Variants in GRM1 observed in about 807,000 individuals in gnomAD.
The protein encoded by GRM1 is glutamate metabotropic receptor 1.
Under a neutral mutation model 90.9 loss-of-function variants are expected in GRM1, and 33 were observed. That is an observed-to-expected ratio of 0.36 (90% CI 0.28 to 0.49). The LOEUF (loss-of-function observed/expected upper bound fraction) is 0.49, where lower values mean the gene tolerates loss of function less well. Ranked by LOEUF, GRM1 falls within the 20% of genes least tolerant of loss-of-function variation. GRM1 has a pLI of 0.99. For missense variants in GRM1, 1,190 were observed against 1,534.3 expected, an observed-to-expected ratio of 0.78 and a Z score of 3.75; for synonymous variants, 700 against 613.2, an observed-to-expected ratio of 1.14 and a Z score of -2.09.
At chr6:146,288,394 A>G (rs1782842733) in intron 2 of GRM1, among the ~76,000 whole-genome samples, 1 of 152,222 alleles carries the variant, frequency 6.6e-6, no homozygotes, top group Admixed American at 6.5e-5. Context: ...AAGAACTTGG[A>G]TATTTAGCTA....
chr6:146,197,205 A>G (rs1174821201), intron 2 of GRM1, among the ~76,000 whole-genome samples: 2 of 152,228 alleles, frequency 1.3e-5, no homozygotes, highest in African/African-American at 4.8e-5. Flanking sequence ...TTCAGCAAAC[A>G]ATGAGTAGCA....
At chr6:146,034,696 C>A (rs1356833597) in intron 1 of GRM1, among the ~76,000 whole-genome samples, 1 of 151,890 alleles carries the variant, frequency 6.6e-6, no homozygotes, top group African/African-American at 2.4e-5. Flanking sequence ...GTCTCAAACC[C>A]TTTCACGAGC....
Position 146,352,338 on chromosome 6 carries a change from G to T in GRM1, c.1275G>T (p.Gln425His). Residue 425 changes from glutamine (Q) to histidine (H), a missense_variant, in exon 4 of 8, where the codon CAG becomes CAT. By Grantham distance (24) the Gln-to-His change is conservative (BLOSUM62 0). This residue lies in a region of GRM1 where 414 missense variants were observed against 598.4 expected (regional missense o/e 0.69). Coordinates refer to ENST00000282753, the MANE Select transcript of GRM1 (RefSeq NM_001278064.2). ...TCTATGCCATGGCACATGGGCTGCA[G>T]AACATGCACCATGCCCTCTGCCCTG... Reference protein sequence around the residue: ...NAIYAMAHGLQNMHHALCPGH... With the variant: ...NAIYAMAHGLHNMHHALCPGH... The T allele has an allele frequency of 6.2e-7, 1 of 1,614,156 alleles. No individual in the cohort carries two copies. The highest frequency in any genetic ancestry group is 1.1e-5 in the South Asian group (1 of 91,086).
rs141941453 is a variant in GRM1, at chr6:146,387,790, C to T, written c.1729+774C>T. 2.3e-3 allele frequency among the ~76,000 whole-genome samples: 354 copies of T among 152,132 alleles called. 3 individuals carry two copies. Among genetic ancestry groups the T allele is most frequent in the African/African-American group, 8.1e-3 (338 of 41,520 alleles). On this transcript the variant is annotated intron_variant, in intron 6 of 7. Transcript: ENST00000282753. ...CAGAGTGCTTCTGTGTGACATTCCT[C>T]TACATGTTTGGACTTTGGCTTTGAG...
intron 2 of GRM1, among the ~76,000 whole-genome samples, chr6:146,299,096 C>T (rs545894831): frequency 6.6e-6 from 1 of 152,292 alleles, no homozygotes; most frequent in East Asian, 1.9e-4. Context: ...CTTGTGCCTT[C>T]ATGTAGCTCA....
rs561210541 is a variant in GRM1, at chr6:146,061,160, A to C, written c.700+30943A>C. 4.6e-5 allele frequency among the ~76,000 whole-genome samples: 7 copies of C among 152,260 alleles called. No homozygotes were observed. In the East Asian group the frequency reaches 1.2e-3, roughly 25 times the overall value. ...TTATTGTCTTATATGGGCATGGTTC[A>C]TGGTGTCCCAAAACAATTACAATAG... On this transcript the variant is annotated intron_variant, in intron 1 of 7. Coordinates refer to ENST00000282753, the MANE Select transcript of GRM1 (RefSeq NM_001278064.2).
chr6:146,039,713 T>G (rs1791026060), intron 1 of GRM1, among the ~76,000 whole-genome samples: 1 of 151,750 alleles, frequency 6.6e-6, no homozygotes, highest in African/African-American at 2.4e-5. Context: ...ATGATTAGAG[T>G]TTTACTAAAG....
In GRM1 at chr6:146,199,680, A is replaced by G. The variant is rs529442614; in HGVS notation, c.950+40083A>G. Among the ~76,000 whole-genome samples the G allele has an allele frequency of 5.3e-5, 8 of 149,806 alleles. No individual in the cohort carries two copies. In the East Asian group the frequency reaches 1.5e-3, roughly 29 times the overall value. On this transcript the variant is annotated intron_variant, in intron 2 of 7. Transcript: ENST00000282753. ...CAGTCCCTGAAGTGGGTATGACTGC[A>G]TTGTTGGTGGGGAGGTCTCTGCTGC...
intron 3 of GRM1, among the ~76,000 whole-genome samples, chr6:146,329,361 T>C (rs1018562142): frequency 1.3e-5 from 2 of 152,274 alleles, no homozygotes; most frequent in South Asian, 4.1e-4. Flanking sequence ...TTAATGCTGC[T>C]GCAAATTCCA....
intron 7 of GRM1, among the ~76,000 whole-genome samples, chr6:146,411,172 TG>T (rs1190901599): frequency 6.6e-6 from 1 of 152,148 alleles, no homozygotes; most frequent in African/African-American, 2.4e-5. Flanking sequence ...ACGGGTGTTA[TG>T]GGAGTGTTAT....
At chr6:146,378,272 C>G (rs1421246544) in intron 5 of GRM1, among the ~76,000 whole-genome samples, 2 of 152,124 alleles carry the variant, frequency 1.3e-5, no homozygotes, top group African/African-American at 4.8e-5. Context: ...AGAGGGCCAC[C>G]ATCCTCCAGA....
intron 2 of GRM1, among the ~76,000 whole-genome samples, chr6:146,203,549 T>A (rs1478284146): frequency 6.6e-6 from 1 of 152,216 alleles, no homozygotes; most frequent in East Asian, 1.9e-4. Context: ...TCTGACTAGA[T>A]AGTCCTATTT....
At chr6:146,173,687 G>T (rs1310980955) in intron 2 of GRM1, among the ~76,000 whole-genome samples, 1 of 141,962 alleles carries the variant, frequency 7.0e-6, no homozygotes. Flanking sequence ...TTTTTTTCGA[G>T]ACAGAGTCTC....
intron 7 of GRM1, among the ~76,000 whole-genome samples, chr6:146,416,837 G>A (rs1360403822): frequency 2.6e-5 from 4 of 152,080 alleles, no homozygotes; most frequent in Non-Finnish European, 2.9e-5. Flanking sequence ...CCTCAGCACC[G>A]TGAGACTTCC....
At chr6:146,381,935 C>T (rs1776333127) in intron 5 of GRM1, among the ~76,000 whole-genome samples, 1 of 152,096 alleles carries the variant, frequency 6.6e-6, no homozygotes, top group Non-Finnish European at 1.5e-5. Flanking sequence ...CCAAAGTGGA[C>T]ATTTAATTTC....
intron 1 of GRM1, among the ~76,000 whole-genome samples, chr6:146,134,951 C>T (rs1168743282): frequency 6.6e-6 from 1 of 151,816 alleles, no homozygotes; most frequent in Non-Finnish European, 1.5e-5. Flanking sequence ...CAAAACAAAA[C>T]AAAAAGAACA....
At chr6:146,361,883 G>A (rs1236682059) in intron 5 of GRM1, among the ~76,000 whole-genome samples, 2 of 152,110 alleles carry the variant, frequency 1.3e-5, no homozygotes, top group Non-Finnish European at 2.9e-5. Flanking sequence ...TTTTTCAATA[G>A]CTCACAATAA....
At chr6:146,345,369 A>T (rs1785145735) in intron 3 of GRM1, among the ~76,000 whole-genome samples, 1 of 152,188 alleles carries the variant, frequency 6.6e-6, no homozygotes, top group Non-Finnish European at 1.5e-5. Context: ...ATAAAAGTGG[A>T]TTTACAATGT....
intron 2 of GRM1, among the ~76,000 whole-genome samples, chr6:146,165,495 A>T (rs756033531): frequency 9.2e-5 from 14 of 152,180 alleles, no homozygotes; most frequent in Non-Finnish European, 1.5e-4. Context: ...TTGAAGTGTG[A>T]CATCTCCAAA....
Sources: allele counts gnomAD v4.1 joint callset (sites outside exome capture counted in the v4.1 genomes callset), GRCh38; gene constraint gnomAD v4.1.1; regional missense constraint gnomAD v4.1.1; transcripts MANE v1.5; gene names NCBI Gene and HGNC (gene_info 2026-07-23, HGNC 2026-07-21).